Variants in CNTNAP2 observed in about 807,000 individuals in gnomAD.
CNTNAP2 encodes the protein contactin-associated protein-like 2.
In CNTNAP2, 98 loss-of-function variants were observed where a neutral mutation model predicts 155.2. The observed-to-expected ratio is 0.63, with a 90% CI of 0.54 to 0.75. The LOEUF (loss-of-function observed/expected upper bound fraction) is 0.75, where lower values mean the gene tolerates loss of function less well. Ranked by LOEUF, CNTNAP2 falls within the 30% of genes least tolerant of loss-of-function variation. The pLI, the probability that CNTNAP2 is intolerant of heterozygous loss-of-function variation, is 0.00. For missense variants in CNTNAP2, 1,727 were observed against 1,688.1 expected (o/e 1.02, Z -0.40); for synonymous variants, 651 against 631.2 (o/e 1.03, Z -0.47).
rs1460281368 is a variant in CNTNAP2, at chr7:148,415,508, C to T, written c.3888C>T (p.Asn1296=). 2.5e-6 allele frequency: 4 copies of T among 1,614,226 alleles called. No homozygotes were observed. The highest frequency in any genetic ancestry group is 2.2e-5 in the South Asian group (2 of 91,088). ...MFRHKGTYHT[N]EAKGAESAES... ...GCCACAAGGGCACCTACCATACCAACGAAGCAAAGGGGGCGGAGTCGGCAG... is the reference window on the plus strand; with the variant it reads ...GCCACAAGGGCACCTACCATACCAATGAAGCAAAGGGGGCGGAGTCGGCAG... Residue 1296 remains asparagine, a synonymous_variant, in exon 24 of 24, where the codon AAC becomes AAT. Coordinates refer to ENST00000361727, the MANE Select transcript of CNTNAP2 (RefSeq NM_014141.6).
intron 3 of CNTNAP2, among the ~76,000 whole-genome samples, chr7:146,973,096 C>T (rs1584759016): frequency 6.6e-6 from 1 of 152,054 alleles, no homozygotes; most frequent in African/African-American, 2.4e-5. Flanking sequence ...TGGCACGATC[C>T]CAGCTCACTG....
chr7:147,468,286 A>G (rs542727417), intron 10 of CNTNAP2, among the ~76,000 whole-genome samples: 47 of 152,306 alleles, frequency 3.1e-4, no homozygotes, highest in African/African-American at 1.1e-3. Flanking sequence ...TCTCAAAAAA[A>G]AGAAAACAAA....
chr7:148,335,858 CG>C (rs896653078), intron 21 of CNTNAP2, among the ~76,000 whole-genome samples: 7 of 110,144 alleles, frequency 6.4e-5, no homozygotes, highest in South Asian at 5.2e-4. Context: ...AAATATTGTA[CG>C]TTTTTTTTCA....
chr7:146,172,229 A>T (rs893637158), intron 1 of CNTNAP2, among the ~76,000 whole-genome samples: 1 of 151,994 alleles, frequency 6.6e-6, no homozygotes, highest in African/African-American at 2.4e-5. Flanking sequence ...CTGGGATAGG[A>T]TGCCTCCCAG....
intron 12 of CNTNAP2, chr7:147,638,740 C>G (rs1795223723): frequency 2.5e-6 from 1 of 402,234 alleles, no homozygotes; most frequent in African/African-American, 2.1e-5. Context: ...AAATCCTGTT[C>G]CACCAGAGGA....
chr7:147,446,977 G>A (rs1465401873), intron 10 of CNTNAP2, among the ~76,000 whole-genome samples: 2 of 152,192 alleles, frequency 1.3e-5, no homozygotes, highest in East Asian at 3.9e-4. Flanking sequence ...AAGCCTTGCA[G>A]ACTATGGTAA....
At chr7:146,762,371 C>T (rs555625766) in intron 1 of CNTNAP2, among the ~76,000 whole-genome samples, 7 of 152,044 alleles carry the variant, frequency 4.6e-5, no homozygotes, top group African/African-American at 1.4e-4. Context: ...GAGGCCGAGG[C>T]GGGAGGATGA....
chr7:146,449,940 G>A (rs1204350476), intron 1 of CNTNAP2, among the ~76,000 whole-genome samples: 1 of 152,082 alleles, frequency 6.6e-6, no homozygotes, highest in Non-Finnish European at 1.5e-5. Context: ...GATTTCTGTG[G>A]AGCACTGACA....
intron 20 of CNTNAP2, among the ~76,000 whole-genome samples, chr7:148,263,753 AAG>A (rs1208632939): frequency 4.0e-5 from 6 of 151,704 alleles, no homozygotes; most frequent in Non-Finnish European, 5.9e-5. Context: ...AAAAAAAAGA[AAG>A]AAAGAAAAGT....
chr7:147,125,867 G>A (rs1358742280), intron 6 of CNTNAP2, among the ~76,000 whole-genome samples: 5 of 152,166 alleles, frequency 3.3e-5, no homozygotes, highest in Non-Finnish European at 4.4e-5. Flanking sequence ...ATGGATGCAC[G>A]TTTATTCTCC....
At chr7:148,026,380 G>T (rs774556712) in intron 15 of CNTNAP2, among the ~76,000 whole-genome samples, 2 of 152,036 alleles carry the variant, frequency 1.3e-5, no homozygotes, top group East Asian at 1.9e-4. Flanking sequence ...GAGTCCAGGG[G>T]GTCAAGGCTG....
At chr7:146,495,255 G>T (rs1045897157) in intron 1 of CNTNAP2, among the ~76,000 whole-genome samples, 1 of 152,058 alleles carries the variant, frequency 6.6e-6, no homozygotes, top group Non-Finnish European at 1.5e-5. Flanking sequence ...ACCCTTTATT[G>T]TTTTCTCATT....
chr7:146,351,185 T>C (rs1421771552), intron 1 of CNTNAP2, among the ~76,000 whole-genome samples: 4 of 151,346 alleles, frequency 2.6e-5, no homozygotes, highest in Non-Finnish European at 4.4e-5. Context: ...ATAATAATAA[T>C]AAAATTAAAA....
At chr7:146,457,361 G>A (rs2129123694) in intron 1 of CNTNAP2, among the ~76,000 whole-genome samples, 1 of 149,666 alleles carries the variant, frequency 6.7e-6, no homozygotes, top group Non-Finnish European at 1.5e-5. Flanking sequence ...TGCATGTGAT[G>A]AATAAAACTA....
At chr7:147,253,089 G>C (rs188375901) in intron 8 of CNTNAP2, among the ~76,000 whole-genome samples, 1 of 152,316 alleles carries the variant, frequency 6.6e-6, no homozygotes, top group Admixed American at 6.5e-5. Flanking sequence ...GCCTCAGTGG[G>C]AGAGAATAAC....
chr7:146,271,462 C>T (rs1800081531), intron 1 of CNTNAP2, among the ~76,000 whole-genome samples: 1 of 151,806 alleles, frequency 6.6e-6, no homozygotes. Flanking sequence ...TCCTTAGCTT[C>T]AAAGTCCCTA....
rs60580094 is a variant in CNTNAP2, at chr7:147,341,442, A to AT, written c.1498+41152_1498+41153insT. Reference sequence around the variant, plus strand: ...TCCCAGAAATTAAAGTATAAAAAAAAAATTTAAAAAATAATAAAAAGGGAA... The same window carrying AT: ...TCCCAGAAATTAAAGTATAAAAAAAATAATTTAAAAAATAATAAAAAGGGAA... On this transcript the variant is annotated intron_variant, in intron 9 of 23. Coordinates refer to ENST00000361727, the MANE Select transcript of CNTNAP2 (RefSeq NM_014141.6). Among the ~76,000 whole-genome samples, 465 of 151,444 alleles carry AT rather than the reference A, an allele frequency of 3.1e-3. 5 individuals carry two copies. The highest frequency in any genetic ancestry group is 0.01 in the African/African-American group (432 of 41,372).
intron 13 of CNTNAP2, among the ~76,000 whole-genome samples, chr7:147,855,492 A>G (rs1365735849): frequency 6.6e-6 from 1 of 152,016 alleles, no homozygotes; most frequent in Non-Finnish European, 1.5e-5. Context: ...TTAACTATTA[A>G]AATTACAGTG....
intron 3 of CNTNAP2, among the ~76,000 whole-genome samples, chr7:146,865,192 A>G (rs1014162143): frequency 1.4e-4 from 21 of 152,002 alleles, no homozygotes; most frequent in Non-Finnish European, 2.4e-4. Flanking sequence ...TGTAATTAAA[A>G]ATACTCTGTA....
Sources: allele counts gnomAD v4.1 joint callset (sites outside exome capture counted in the v4.1 genomes callset), GRCh38; gene constraint gnomAD v4.1.1; transcripts MANE v1.5; gene names NCBI Gene and HGNC (gene_info 2026-07-23, HGNC 2026-07-21).